ITGA6: variants seen among roughly 807,000 people sequenced by gnomAD.
ITGA6 encodes the protein integrin subunit alpha 6.
ITGA6 carries 63 observed loss-of-function variants against 133.6 expected under a neutral mutation model. The observed-to-expected ratio is 0.47, with a 90% CI of 0.38 to 0.58. The LOEUF (loss-of-function observed/expected upper bound fraction) is 0.58. ITGA6 is among the 20% of genes least tolerant of loss of function. The pLI is 0.00. For synonymous variants in ITGA6, 434 were observed against 482.0 expected (o/e 0.90, Z 1.30); for missense variants, 1,068 against 1,309.4 (o/e 0.82, Z 2.85).
At chr2:172,475,923 G>T (rs1394024377) in intron 8 of ITGA6, among the ~76,000 whole-genome samples, 1 of 152,070 alleles carries the variant, frequency 6.6e-6, no homozygotes, top group Non-Finnish European at 1.5e-5. Flanking sequence ...GTAATCCAAA[G>T]CAAATGAATG....
chr2:172,456,685 A>T (rs16860438), intron 1 of ITGA6, among the ~76,000 whole-genome samples: 8,097 of 152,206 alleles, frequency 0.053, 362 homozygotes, highest in East Asian at 0.25. Flanking sequence ...GAAGAGAGGG[A>T]TTGTCCCAGG....
intron 1 of ITGA6, among the ~76,000 whole-genome samples, chr2:172,446,641 T>C (rs966285412): frequency 2.0e-5 from 3 of 152,222 alleles, no homozygotes; most frequent in Non-Finnish European, 4.4e-5. Flanking sequence ...GGACTCCAAA[T>C]CACAAATGTC....
intron 25 of ITGA6, chr2:172,503,506 G>C (rs1687434022): frequency 1.3e-5 from 2 of 152,150 alleles, no homozygotes; most frequent in Non-Finnish European, 1.5e-5. Flanking sequence ...AGCTTAATTA[G>C]AAGCACAATA....
intron 1 of ITGA6, among the ~76,000 whole-genome samples, chr2:172,455,078 G>T (rs1366280434): frequency 6.6e-6 from 1 of 152,232 alleles, no homozygotes; most frequent in Non-Finnish European, 1.5e-5. Context: ...AGTGAGACCT[G>T]GGTTGGCCTG....
At chr2:172,448,963 G>A (rs565782396) in intron 1 of ITGA6, among the ~76,000 whole-genome samples, 2 of 152,318 alleles carry the variant, frequency 1.3e-5, no homozygotes, top group South Asian at 2.1e-4. Flanking sequence ...AGGCAAAATC[G>A]TAGGTAAGGC....
intron 25 of ITGA6, 96 bp from the exon 26 acceptor site, chr2:172,503,995 A>C: frequency 1.1e-6 from 1 of 917,428 alleles, no homozygotes; most frequent in Non-Finnish European, 1.6e-6. Context: ...GTCCAGAGGT[A>C]GACATAGCTG....
intron 3 of ITGA6, among the ~76,000 whole-genome samples, chr2:172,468,776 T>C (rs1317693421): frequency 6.6e-6 from 1 of 152,228 alleles, no homozygotes; most frequent in Non-Finnish European, 1.5e-5. Context: ...ATACAGCCAC[T>C]AAAAGCCAAT....
chr2:172,454,731 G>A (rs745773789), intron 1 of ITGA6, among the ~76,000 whole-genome samples: 13 of 152,266 alleles, frequency 8.5e-5, no homozygotes, highest in South Asian at 2.1e-4. Context: ...AGGAATCAAC[G>A]TTGCTTATCA....
At chr2:172,480,079 T>A in intron 11 of ITGA6, 28 bp downstream of exon 11, 1 of 1,311,648 alleles carries the variant, frequency 7.6e-7, no homozygotes, top group Non-Finnish European at 1.1e-6. Context: ...TTAAAATATG[T>A]CTACTTTCTG....
At chr2:172,429,312 G>C (rs1287468975) in intron 1 of ITGA6, among the ~76,000 whole-genome samples, 1 of 152,062 alleles carries the variant, frequency 6.6e-6, no homozygotes, top group African/African-American at 2.4e-5. Context: ...AATAATTGTT[G>C]TTAAGCTGTA....
intron 19 of ITGA6, among the ~76,000 whole-genome samples, 200 bp from the exon 20 acceptor site, chr2:172,489,284 AC>A: frequency 6.6e-6 from 1 of 152,246 alleles, no homozygotes; most frequent in South Asian, 2.1e-4. Flanking sequence ...TTGTCCTTTG[AC>A]CTTTTTGTTT....
chr2:172,444,309 T>C (rs1434925762), intron 1 of ITGA6, among the ~76,000 whole-genome samples: 1 of 152,178 alleles, frequency 6.6e-6, no homozygotes, highest in Non-Finnish European at 1.5e-5. Flanking sequence ...CACTATATTA[T>C]CTCAGCAATA....
At chr2:172,442,643 T>G (rs1684590968) in intron 1 of ITGA6, among the ~76,000 whole-genome samples, 1 of 152,244 alleles carries the variant, frequency 6.6e-6, no homozygotes, top group African/African-American at 2.4e-5. Context: ...CCATGTAGTT[T>G]GCCCTCTGCC....
chr2:172,487,449 T>C lies in ITGA6; in HGVS notation c.2156T>C (p.Phe719Ser), dbSNP rs767441690. ...TCTGCATATAGAGAACTGAGGGCTT[T>C]CCCTGTAAGTATTGTTAGAGACCAG... is the stretch of plus-strand genomic sequence containing the variant. ...TYSAYRELRA[F>S]PEKQLSCVAN... is the part of the protein sequence containing the mutation. The change falls in exon 15 of 26, where the codon TTC (phenylalanine) becomes TCC (serine). Residue 719 changes from phenylalanine to serine, a missense_variant. By Grantham distance (155) the Phe-to-Ser change is radical. Around this residue, in one of 3 missense-constraint regions of ITGA6, gnomAD observed 609 missense variants for 707.2 expected, o/e 0.86. Coordinates refer to ENST00000684293, the MANE Select transcript of ITGA6 (RefSeq NM_000210.4). 11 of 1,613,876 alleles carry C rather than the reference T, an allele frequency of 6.8e-6. No individual in the cohort carries two copies. Among genetic ancestry groups the C allele is most frequent in the Non-Finnish European group, 9.3e-6 (11 of 1,179,774 alleles).
intron 1 of ITGA6, among the ~76,000 whole-genome samples, chr2:172,437,602 A>G (rs1684374869): frequency 6.6e-6 from 1 of 152,174 alleles, no homozygotes; most frequent in South Asian, 2.1e-4. Context: ...TAGACAGCCA[A>G]GTGAGTTATT....
intron 9 of ITGA6, among the ~76,000 whole-genome samples, chr2:172,477,655 G>A (rs911189183): frequency 6.6e-6 from 1 of 152,150 alleles, no homozygotes; most frequent in Non-Finnish European, 1.5e-5. Context: ...GTCCTCATAA[G>A]TAGGTTGACT....
chr2:172,450,877 TTATA>T (rs1338255856), intron 1 of ITGA6, among the ~76,000 whole-genome samples: 3 of 140,498 alleles, frequency 2.1e-5, no homozygotes, highest in Non-Finnish European at 4.5e-5. Context: ...ACAAATATAT[TTATA>T]TATTTATATA....
At chr2:172,427,420 G>A, upstream of ITGA6, 1 of 1,027,148 alleles carries the variant, frequency 9.7e-7, no homozygotes, top group Non-Finnish European at 1.2e-6. Flanking sequence ...GGGCTCCCAC[G>A]TCGTGGCTTC....
chr2:172,427,698 C>T lies in ITGA6; in HGVS notation c.-91C>T, dbSNP rs1683904121. On this transcript the variant is annotated 5_prime_UTR_variant, in exon 1 of 26. Coordinates refer to ENST00000684293, the MANE Select transcript of ITGA6 (RefSeq NM_000210.4). ...CAGCGGCGAGAGGAGGCGAAGGTGG[C>T]TGCGGTAGCAGCAGCGCGGCAGCCT... The T allele has an allele frequency of 1.5e-5, 21 of 1,373,292 alleles. No homozygotes were observed. The highest frequency in any genetic ancestry group is 1.9e-5 in the Non-Finnish European group (20 of 1,064,362). 85.1% of individuals were successfully genotyped at this position (1,373,292 alleles called of 1,614,324 possible). A position where few individuals can be genotyped will look rare whatever the true frequency, so the allele number is the denominator to read the frequency against.
Sources: gnomAD v4.1 joint callset for allele counts (sites outside exome capture counted in the v4.1 genomes callset) on GRCh38, gnomAD v4.1.1 for gene constraint, gnomAD v4.1.1 regional missense constraint, MANE v1.5 for transcripts, NCBI Gene and HGNC (gene_info 2026-07-23, HGNC 2026-07-21) for gene names.